Variants in MACROD2 observed in about 807,000 individuals in gnomAD.
MACROD2 encodes the protein ADP-ribose glycohydrolase MACROD2.
MACROD2 carries 36 observed loss-of-function variants against 70.4 expected under a neutral mutation model. The observed-to-expected ratio is 0.51, with a 90% CI of 0.39 to 0.68. The LOEUF is 0.68. Ranked by LOEUF, MACROD2 falls within the 30% of genes least tolerant of loss-of-function variation. The probability of loss-of-function intolerance (pLI) is 0.00; values close to 1 mark genes in which losing one functional copy is unlikely to be tolerated. For missense variants in MACROD2, 496 were observed against 538.4 expected, an observed-to-expected ratio of 0.92 and a Z score of 0.78; for synonymous variants, 172 against 178.8, an observed-to-expected ratio of 0.96 and a Z score of 0.30.
chr20:15,758,422 T>C (rs2051381545), intron 8 of MACROD2, among the ~76,000 whole-genome samples: 2 of 151,070 alleles, frequency 1.3e-5, no homozygotes, highest in Admixed American at 6.6e-5. Context: ...TTTTTTTTAG[T>C]AGACACGGGG....
intron 8 of MACROD2, among the ~76,000 whole-genome samples, chr20:15,842,305 A>G (rs533477247): frequency 2.0e-5 from 3 of 152,174 alleles, no homozygotes; most frequent in East Asian, 1.9e-4. Flanking sequence ...GGAAAGGGAC[A>G]GCATCCAGAA....
intron 8 of MACROD2, among the ~76,000 whole-genome samples, chr20:15,777,301 GT>G (rs1033463825): frequency 6.6e-6 from 1 of 151,946 alleles, no homozygotes; most frequent in Non-Finnish European, 1.5e-5. Flanking sequence ...CTACTCTTCT[GT>G]TTAGTTTTAT....
At chr20:15,660,811 A>G (rs1245723759) in intron 8 of MACROD2, among the ~76,000 whole-genome samples, 1 of 151,396 alleles carries the variant, frequency 6.6e-6, no homozygotes, top group Non-Finnish European at 1.5e-5. Context: ...CAAGCCAAAC[A>G]TTCAGACCCT....
At chr20:14,365,290 T>A (rs568361773) in intron 3 of MACROD2, among the ~76,000 whole-genome samples, 4 of 152,066 alleles carry the variant, frequency 2.6e-5, no homozygotes, top group Non-Finnish European at 4.4e-5. Context: ...TAATCATTTT[T>A]ATTTCTCTAA....
chr20:14,521,426 A>G (rs1382254357), intron 4 of MACROD2, among the ~76,000 whole-genome samples: 1 of 152,228 alleles, frequency 6.6e-6, no homozygotes, highest in African/African-American at 2.4e-5. Context: ...CAGGCAGCAT[A>G]CTAAGTACTT....
intron 8 of MACROD2, among the ~76,000 whole-genome samples, chr20:15,726,415 G>A (rs774278812): frequency 6.6e-6 from 1 of 152,094 alleles, no homozygotes; most frequent in Non-Finnish European, 1.5e-5. Context: ...TGTCTTTATG[G>A]TAGAACAATT....
At chr20:14,238,607 A>T (rs2081899220) in intron 3 of MACROD2, among the ~76,000 whole-genome samples, 1 of 152,196 alleles carries the variant, frequency 6.6e-6, no homozygotes, top group African/African-American at 2.4e-5. Context: ...GGAAGAGAGG[A>T]TGTCAAACTA....
At chr20:15,438,602 C>G (rs889003232) in intron 7 of MACROD2, among the ~76,000 whole-genome samples, 3 of 141,766 alleles carry the variant, frequency 2.1e-5, no homozygotes, top group Admixed American at 1.4e-4. Context: ...GTATGCCAAC[C>G]CTTGGTGGTC....
intron 8 of MACROD2, among the ~76,000 whole-genome samples, chr20:15,679,915 G>A (rs1377360121): frequency 1.3e-5 from 2 of 152,124 alleles, no homozygotes; most frequent in African/African-American, 4.8e-5. Flanking sequence ...CTGCATTTTG[G>A]GACAATTTAT....
rs964321980 is a variant in MACROD2, at chr20:15,286,644, G to C, written c.540+56583G>C. ...GGCTGGAGAGAGAGAAGTGGGTTCT[G>C]TTTTATATAGTGGGGTGAAGTAAGG... On this transcript the variant is annotated intron_variant, in intron 6 of 17. Coordinates refer to ENST00000684519, the MANE Select transcript of MACROD2 (RefSeq NM_001351661.2). Among the ~76,000 whole-genome samples the C allele has an allele frequency of 2.2e-4, 33 of 152,256 alleles. 1 individual carries two copies. Among genetic ancestry groups the C allele is most frequent in the African/African-American group, 7.7e-4 (32 of 41,548 alleles).
chr20:15,984,439 T>G (rs1310179163), intron 13 of MACROD2, among the ~76,000 whole-genome samples: 3 of 152,202 alleles, frequency 2.0e-5, no homozygotes, highest in African/African-American at 7.2e-5. Flanking sequence ...TCAGGAGGCC[T>G]TATTACTTTT....
intron 5 of MACROD2, among the ~76,000 whole-genome samples, chr20:15,194,507 C>T (rs968096158): frequency 6.6e-6 from 1 of 152,016 alleles, no homozygotes. Flanking sequence ...TTCTAGTACA[C>T]CCTTCACTGA....
intron 3 of MACROD2, among the ~76,000 whole-genome samples, chr20:14,106,866 GT>G (rs1235597741): frequency 6.6e-6 from 1 of 152,164 alleles, no homozygotes; most frequent in Non-Finnish European, 1.5e-5. Context: ...GAACCACAGT[GT>G]TTTTGGGCTT....
chr20:15,379,269 T>C lies in MACROD2; in HGVS notation c.541-52136T>C, dbSNP rs141466245. Among the ~76,000 whole-genome samples, 215 of 152,304 alleles carry C rather than the reference T, an allele frequency of 1.4e-3. 1 individual carries two copies. Among genetic ancestry groups the C allele is most frequent in the African/African-American group, 4.9e-3 (204 of 41,562 alleles). On this transcript the variant is annotated intron_variant, in intron 6 of 17. Transcript: ENST00000684519. ...TCTCATGAGATGGATAGCATCTTTA[T>C]ATATCTCTGACTTTTCCACTGGGCT...
intron 5 of MACROD2, among the ~76,000 whole-genome samples, chr20:14,916,684 G>A (rs543728522): frequency 1.3e-5 from 2 of 152,208 alleles, no homozygotes; most frequent in South Asian, 4.2e-4. Flanking sequence ...GGAGAGATGT[G>A]GGTGTATGCA....
intron 5 of MACROD2, among the ~76,000 whole-genome samples, chr20:14,988,553 A>C (rs1600914353): frequency 1.3e-5 from 2 of 152,200 alleles, no homozygotes; most frequent in East Asian, 3.9e-4. Flanking sequence ...CTCCTGGAGG[A>C]ATCTATGTTT....
chr20:15,927,750 G>T (rs2065512542), intron 10 of MACROD2, among the ~76,000 whole-genome samples: 1 of 152,130 alleles, frequency 6.6e-6, no homozygotes, highest in African/African-American at 2.4e-5. Context: ...TTTTCTAAGA[G>T]TAAGCTATTA....
chr20:15,924,818 T>TG (rs2065465327), intron 10 of MACROD2, among the ~76,000 whole-genome samples: 1 of 152,242 alleles, frequency 6.6e-6, no homozygotes, highest in Non-Finnish European at 1.5e-5. Flanking sequence ...TGTTTCATCT[T>TG]GCCAGTTCTG....
At position 14,547,000 on chromosome 20, in the gene MACROD2, T is replaced by G. The variant is rs185783539; in HGVS notation, c.301+53492T>G. Among the ~76,000 whole-genome samples the G allele has an allele frequency of 7.2e-4, 109 of 152,282 alleles. 1 individual carries two copies. Among genetic ancestry groups the G allele is most frequent in the African/African-American group, 2.5e-3 (105 of 41,558 alleles). On this transcript the variant is annotated intron_variant, in intron 4 of 17. Coordinates refer to ENST00000684519, the MANE Select transcript of MACROD2 (RefSeq NM_001351661.2). ...CAGGCTTTACATAAAAATATCATCC[T>G]ACTTTGCCCCCTAAGTTTCTAAAAT...
Sources: gnomAD v4.1 joint callset for allele counts (sites outside exome capture counted in the v4.1 genomes callset) on GRCh38, gnomAD v4.1.1 for gene constraint, MANE v1.5 for transcripts, NCBI Gene and HGNC (gene_info 2026-07-23, HGNC 2026-07-21) for gene names.